Variants in ADORA2B observed in about 807,000 individuals in gnomAD.
ADORA2B encodes the protein adenosine A2b receptor.
A neutral mutation model predicts 20.8 loss-of-function variants in ADORA2B; 18 were observed. The observed-to-expected ratio is 0.87, with a 90% confidence interval of 0.60 to 1.29. The LOEUF (loss-of-function observed/expected upper bound fraction) is 1.29. Among genes scored for constraint, ADORA2B ranks in the 50% most tolerant of loss-of-function variants. The pLI is 0.00. For missense variants in ADORA2B, 441 were observed against 422.7 expected, an observed-to-expected ratio of 1.04 and a Z score of -0.38; for synonymous variants, 179 against 178.3, an observed-to-expected ratio of 1.00 and a Z score of -0.03.
chr17:15,868,522 C>T, the ADORA2B span, among the ~76,000 whole-genome samples: 1 of 138,040 alleles, frequency 7.2e-6, no homozygotes, highest in East Asian at 2.0e-4. Flanking sequence ...CCTGTAATCC[C>T]AGCACTTTGG....
the ADORA2B span, among the ~76,000 whole-genome samples, chr17:15,852,817 G>A: frequency 1.3e-5 from 2 of 152,052 alleles, no homozygotes; most frequent in African/African-American, 2.4e-5. Flanking sequence ...GAACTGAAGC[G>A]CAGAGAAAAC....
the ADORA2B span, among the ~76,000 whole-genome samples, chr17:15,852,039 T>A: frequency 1.4e-4 from 21 of 152,244 alleles, no homozygotes; most frequent in South Asian, 4.1e-4. Context: ...TTTTTATATG[T>A]GTGAATGAAA....
At chr17:15,920,322 C>T in the ADORA2B span, among the ~76,000 whole-genome samples, 1 of 152,176 alleles carries the variant, frequency 6.6e-6, no homozygotes, top group African/African-American at 2.4e-5. Flanking sequence ...CACCACTGTT[C>T]AGTATACCCA....
chr17:15,856,215 G>A, the ADORA2B span, among the ~76,000 whole-genome samples: 3 of 151,534 alleles, frequency 2.0e-5, no homozygotes, highest in Admixed American at 2.0e-4. Context: ...TTTTATAAGT[G>A]TTTGACAGTT....
chr17:15,875,060 A>C, the ADORA2B span, among the ~76,000 whole-genome samples: 1 of 152,112 alleles, frequency 6.6e-6, no homozygotes, highest in Non-Finnish European at 1.5e-5. Flanking sequence ...GTGAATTACT[A>C]GTACAGTTGC....
the ADORA2B span, among the ~76,000 whole-genome samples, chr17:15,934,658 A>G: frequency 6.6e-6 from 1 of 152,178 alleles, no homozygotes; most frequent in Admixed American, 6.5e-5. Context: ...ATATAATGAT[A>G]TAAAAAAGCT....
At chr17:15,956,688 T>G in intron 1 of ADORA2B, among the ~76,000 whole-genome samples, 1 of 146,446 alleles carries the variant, frequency 6.8e-6, no homozygotes, top group South Asian at 2.2e-4. Context: ...CTCTGCCTCC[T>G]GGGTTCAAGC....
intron 1 of ADORA2B, among the ~76,000 whole-genome samples, chr17:15,957,323 G>A (rs75215021): frequency 0.062 from 9,363 of 152,234 alleles, 977 homozygotes; most frequent in African/African-American, 0.21. Flanking sequence ...ACCTAGAAAT[G>A]TGGGTAGTTA....
the ADORA2B span, among the ~76,000 whole-genome samples, chr17:15,911,906 A>C: frequency 6.6e-6 from 1 of 152,048 alleles, no homozygotes; most frequent in Admixed American, 6.6e-5. Flanking sequence ...TCTGCAAGAA[A>C]ATTTTTTTAA....
intron 1 of ADORA2B, among the ~76,000 whole-genome samples, chr17:15,950,762 T>C (rs1488698000): frequency 6.6e-6 from 1 of 152,192 alleles, no homozygotes; most frequent in Non-Finnish European, 1.5e-5. Flanking sequence ...CCTGAGGCTG[T>C]GCATGGTCGG....
intron 1 of ADORA2B, among the ~76,000 whole-genome samples, chr17:15,964,866 C>T (rs1050274192): frequency 1.3e-5 from 2 of 151,952 alleles, no homozygotes; most frequent in Non-Finnish European, 2.9e-5. Flanking sequence ...TCGAGACCAT[C>T]CTGGCTAACA....
At chr17:15,968,897 T>C (rs1383354236) in intron 1 of ADORA2B, among the ~76,000 whole-genome samples, 5 of 151,804 alleles carry the variant, frequency 3.3e-5, no homozygotes, top group Non-Finnish European at 7.4e-5. Context: ...TGGGGGAGGG[T>C]GTGCAGGCAT....
Position 15,975,371 on chromosome 17 carries a change from A to T in ADORA2B, c.*29A>T. ...AGGCTCTCGCCTCTTCCAGGAGAAG[A>T]TACAAATCCACAAGAAACAAAGAGG... On this transcript the variant is annotated 3_prime_UTR_variant, in exon 2 of 2. Coordinates refer to ENST00000304222, the MANE Select transcript of ADORA2B (RefSeq NM_000676.4). The T allele has an allele frequency of 6.3e-7, 1 of 1,586,616 alleles. No individual in the cohort carries two copies. The highest frequency in any genetic ancestry group is 8.6e-7 in the Non-Finnish European group (1 of 1,168,638).
chr17:15,942,964 T>A (rs1969757677), upstream of ADORA2B, among the ~76,000 whole-genome samples: 1 of 152,122 alleles, frequency 6.6e-6, no homozygotes, highest in Non-Finnish European at 1.5e-5. Flanking sequence ...CCTCTAACCC[T>A]TTGCCCTCTG....
At chr17:15,887,899 C>T in the ADORA2B span, among the ~76,000 whole-genome samples, 1 of 94,958 alleles carries the variant, frequency 1.1e-5, no homozygotes, top group Non-Finnish European at 1.9e-5. Context: ...TGCAATGAGC[C>T]GAAATCGTGC....
chr17:15,864,089 C>G, the ADORA2B span: 1 of 201,398 alleles, frequency 5.0e-6, no homozygotes, highest in African/African-American at 2.3e-5. Flanking sequence ...GGCCTTGGCC[C>G]GGGAATATGG....
chr17:15,866,736 T>TGCCGCTGCCGCTGCCG, the ADORA2B span, among the ~76,000 whole-genome samples: 1 of 130,978 alleles, frequency 7.6e-6, no homozygotes, highest in Non-Finnish European at 1.6e-5. Flanking sequence ...TGCCGCTGCC[T>TGCCGCTGCCGCTGCCG]CTGCCTCTGC....
At chr17:15,935,971 A>C in the ADORA2B span, among the ~76,000 whole-genome samples, 1 of 149,582 alleles carries the variant, frequency 6.7e-6, no homozygotes, top group Non-Finnish European at 1.5e-5. Flanking sequence ...GGTTCAGGCG[A>C]TCCTCCCACC....
chr17:15,883,728 A>G, the ADORA2B span, among the ~76,000 whole-genome samples: 1 of 152,216 alleles, frequency 6.6e-6, no homozygotes, highest in Admixed American at 6.5e-5. Flanking sequence ...TTTGAGGGCA[A>G]TTTGGCAGAA....
Sources: gnomAD v4.1 joint callset for allele counts (sites outside exome capture counted in the v4.1 genomes callset) on GRCh38, gnomAD v4.1.1 for gene constraint, MANE v1.5 for transcripts, NCBI Gene and HGNC (gene_info 2026-07-23, HGNC 2026-07-21) for gene names.